ARG2: variants seen among roughly 807,000 people sequenced by gnomAD.
The protein encoded by ARG2 is arginase 2.
Under a neutral mutation model 39.4 loss-of-function variants are expected in ARG2, and 21 were observed. That is an observed-to-expected ratio of 0.53 (90% confidence interval 0.38 to 0.77). The LOEUF is 0.77. ARG2 is among the 30% of genes least tolerant of loss of function. The pLI is 0.00. For synonymous variants in ARG2, 150 were observed against 156.7 expected (o/e 0.96, Z 0.32); for missense variants, 378 against 426.2 (o/e 0.89, Z 1.00).
At chr14:67,647,205 A>T in intron 6 of ARG2, 180 bp downstream of exon 6, 1 of 510,324 alleles carries the variant, frequency 2.0e-6, no homozygotes, top group East Asian at 3.1e-5. Flanking sequence ...GGTTTTTGGG[A>T]GGAGGTTTCC....
In ARG2 at chr14:67,646,979, G is replaced by T. The variant is rs769482292; in HGVS notation, c.676G>T (p.Gly226Cys). ...YFSMRDIDRL[G>C]IQKVMERTFD... Reference sequence around the variant, plus strand: ...TTCCATGAGAGATATTGATCGACTTGGTATCCAGAAGGTCATGGAACGAAC... The same window carrying T: ...TTCCATGAGAGATATTGATCGACTTTGTATCCAGAAGGTCATGGAACGAAC... Residue 226 changes from glycine to cysteine, a missense_variant, in exon 6 of 8, where the codon GGT (glycine) becomes TGT (cysteine). Coordinates refer to ENST00000261783, the MANE Select transcript of ARG2 (RefSeq NM_001172.4). 1.7e-5 allele frequency: 27 copies of T among 1,612,842 alleles called. No individual in the cohort carries two copies. In the Admixed American group the frequency reaches 4.5e-4, roughly 27 times the overall value.
At chr14:67,645,559 T>TA in intron 3 of ARG2, 84 bp from the exon 4 acceptor site, 1 of 1,480,902 alleles carries the variant, frequency 6.8e-7, no homozygotes, top group East Asian at 2.3e-5. Context: ...GTGGAGAGAG[T>TA]ATAAGTTGTT....
intron 2 of ARG2, among the ~76,000 whole-genome samples, chr14:67,637,731 A>G (rs559095797): frequency 3.3e-4 from 51 of 152,344 alleles, no homozygotes; most frequent in South Asian, 2.1e-3. Flanking sequence ...TAACTAGAAT[A>G]GTTTAACATA....
intron 2 of ARG2, among the ~76,000 whole-genome samples, chr14:67,623,110 T>G (rs1184609642): frequency 2.0e-5 from 3 of 152,212 alleles, no homozygotes; most frequent in Non-Finnish European, 4.4e-5. Flanking sequence ...CCTTACTGTG[T>G]AGCTGACTGG....
intron 2 of ARG2, among the ~76,000 whole-genome samples, chr14:67,638,617 T>C (rs568410849): frequency 6.6e-6 from 1 of 152,134 alleles, no homozygotes; most frequent in Non-Finnish European, 1.5e-5. Flanking sequence ...GTGCAAATTA[T>C]AGAGTTGAGT....
rs376898386 is a variant in ARG2 at position 67,619,970 on chromosome 14, T to C, written c.-8T>C. 3.7e-4 allele frequency: 590 copies of C among 1,577,304 alleles called. 8 individuals carry two copies. The South Asian group carries it at 6.3e-3, about 17-fold the overall frequency. On this transcript the variant is annotated 5_prime_UTR_variant, in exon 1 of 8. Transcript: ENST00000261783. The stretch of plus-strand genomic sequence containing the variant: ...CCTCTGCCTTGGAGATTCTCAGTGC[T>C]GCGGATCATGTCCCTAAGGGGCAGC...
Position 67,642,169 on chromosome 14 carries a change from C to G in ARG2, c.185-17C>G. On this transcript the variant is annotated splice_polypyrimidine_tract_variant and intron_variant, in intron 2 of 7. Coordinates refer to ENST00000261783, the MANE Select transcript of ARG2 (RefSeq NM_001172.4). ...TAGCACAGAAAATTCATCTTGTCAT[C>G]CCTCATTTGCTTCCAGGCTGCCACC... The G allele has an allele frequency of 6.2e-7, 1 of 1,611,166 alleles. No individual in the cohort carries two copies. Among genetic ancestry groups the G allele is most frequent in the South Asian group, 1.1e-5 (1 of 90,930 alleles).
intron 3 of ARG2, among the ~76,000 whole-genome samples, chr14:67,643,013 G>C (rs1285348602): frequency 6.6e-6 from 1 of 151,956 alleles, no homozygotes; most frequent in African/African-American, 2.4e-5. Context: ...ATGTTGCCCA[G>C]ACTGGTCTCG....
chr14:67,650,450 T>G, intron 7 of ARG2: 1 of 453,824 alleles, frequency 2.2e-6, no homozygotes, highest in Non-Finnish European at 4.0e-6. Flanking sequence ...CGCCTGACAA[T>G]TATGCCTGTT....
intron 2 of ARG2, among the ~76,000 whole-genome samples, chr14:67,625,605 G>C (rs981429695): frequency 3.3e-5 from 5 of 150,672 alleles, no homozygotes; most frequent in Admixed American, 2.6e-4. Flanking sequence ...GCTTGAACCT[G>C]GGAGGCGGAG....
intron 2 of ARG2, among the ~76,000 whole-genome samples, chr14:67,623,534 C>CTTTTTTTTT (rs60604937): frequency 2.4e-5 from 2 of 82,948 alleles, no homozygotes; most frequent in African/African-American, 4.9e-5. Flanking sequence ...CTCAGGTAAC[C>CTTTTTTTTT]TTTTTTTTTT....
Position 67,651,658 on chromosome 14 carries a change from T to TCTAC in ARG2, c.*741_*744dup. On this transcript the variant is annotated 3_prime_UTR_variant, in exon 8 of 8. Coordinates refer to ENST00000261783, the MANE Select transcript of ARG2 (RefSeq NM_001172.4). ...TAGCTGTCACTTAGGGATAACACTG[T>TCTAC]CTACCTCACAGAAATGTTAAACTGA... 1 of 518,396 alleles carries TCTAC rather than the reference T, an allele frequency of 1.9e-6. No homozygotes were observed. The highest frequency in any genetic ancestry group is 3.6e-5 in the East Asian group (1 of 27,868). 32.1% of individuals were successfully genotyped at this position (518,396 alleles called of 1,614,324 possible).
At chr14:67,626,533 T>TA (rs1424239767) in intron 2 of ARG2, among the ~76,000 whole-genome samples, 3 of 152,276 alleles carry the variant, frequency 2.0e-5, no homozygotes, top group South Asian at 2.1e-4. Context: ...CTTTTTTTTT[T>TA]AGACAGTCTC....
intron 2 of ARG2, among the ~76,000 whole-genome samples, chr14:67,626,868 T>C (rs4902501): frequency 0.4 from 60,536 of 152,118 alleles, 14,595 homozygotes; most frequent in African/African-American, 0.68. Context: ...CATATCCATA[T>C]AATGGAGTAT....
chr14:67,625,645 A>G (rs2036856850), intron 2 of ARG2, among the ~76,000 whole-genome samples: 1 of 142,714 alleles, frequency 7.0e-6, no homozygotes, highest in African/African-American at 2.7e-5. Flanking sequence ...GTGCCATTGC[A>G]GTCCAGCCTG....
chr14:67,620,140 C>T, intron 1 of ARG2, 52 bp downstream of exon 1: 2 of 1,336,036 alleles, frequency 1.5e-6, no homozygotes, highest in Non-Finnish European at 2.1e-6. Context: ...CCCCTAGAAC[C>T]TGGAGACAGC....
intron 2 of ARG2, among the ~76,000 whole-genome samples, chr14:67,637,952 A>T (rs1329022896): frequency 1.3e-5 from 2 of 152,186 alleles, no homozygotes; most frequent in South Asian, 2.1e-4. Context: ...TGAAAAGAGG[A>T]GGTGTGCTTT....
chr14:67,623,895 C>T (rs1047945473), intron 2 of ARG2, among the ~76,000 whole-genome samples: 5 of 152,094 alleles, frequency 3.3e-5, no homozygotes, highest in Non-Finnish European at 4.4e-5. Flanking sequence ...GGCTGGAGTG[C>T]AGTGGCATAG....
At chr14:67,637,238 C>T (rs1446660707) in intron 2 of ARG2, among the ~76,000 whole-genome samples, 2 of 151,700 alleles carry the variant, frequency 1.3e-5, no homozygotes, top group South Asian at 2.1e-4. Flanking sequence ...GGCGAAACCT[C>T]GTCTCTACTA....
Sources: gnomAD v4.1 joint callset for allele counts (sites outside exome capture counted in the v4.1 genomes callset) on GRCh38, gnomAD v4.1.1 for gene constraint, MANE v1.5 for transcripts, NCBI Gene and HGNC (gene_info 2026-07-23, HGNC 2026-07-21) for gene names.